Variants in PLSCR2 observed in about 807,000 individuals in gnomAD.
PLSCR2 encodes phospholipid scramblase 2, also known as PL scramblase 2.
In PLSCR2, 18 loss-of-function variants were observed where a neutral mutation model predicts 25.3. The ratio of observed to expected loss-of-function variants is 0.71; its 90% CI spans 0.49 to 1.06. PLSCR2 has a LOEUF of 1.06. Ranked by LOEUF, PLSCR2 falls within the 50% of genes least tolerant of loss-of-function variation. PLSCR2 has a pLI of 0.00. For synonymous variants in PLSCR2, 88 were observed against 87.3 expected, an observed-to-expected ratio of 1.01 and a Z score of -0.04; for missense variants, 243 against 269.5, an observed-to-expected ratio of 0.90 and a Z score of 0.69.
chr3:146,479,053 T>C (rs2043035322), intron 1 of PLSCR2, among the ~76,000 whole-genome samples: 1 of 152,172 alleles, frequency 6.6e-6, no homozygotes, highest in Non-Finnish European at 1.5e-5. Context: ...TTGAGAGATT[T>C]TGTCACCACC....
At chr3:146,452,140 G>A (rs1312902223) in intron 5 of PLSCR2, among the ~76,000 whole-genome samples, 1 of 152,114 alleles carries the variant, frequency 6.6e-6, no homozygotes, top group East Asian at 1.9e-4. Context: ...AAACTGTGGT[G>A]TCTGCATTAT....
At chr3:146,445,268 T>C (rs2040482725) in intron 6 of PLSCR2, among the ~76,000 whole-genome samples, 1 of 152,166 alleles carries the variant, frequency 6.6e-6, no homozygotes, top group South Asian at 2.1e-4. Context: ...TTTTGCACCT[T>C]CAGGTGATTT....
At chr3:146,448,236 T>C (rs191670314) in intron 6 of PLSCR2, among the ~76,000 whole-genome samples, 172 of 152,348 alleles carry the variant, frequency 1.1e-3, no homozygotes, top group Non-Finnish European at 2.0e-3. Context: ...ATGGGGATAA[T>C]TCTCAGAGCC....
chr3:146,424,145 AG>A (rs1393254923), intron 2 of PLSCR2, among the ~76,000 whole-genome samples: 1 of 150,906 alleles, frequency 6.6e-6, no homozygotes, highest in Non-Finnish European at 1.5e-5. Context: ...AAAAAAAAAA[AG>A]ATCAAGGTAT....
rs879368404 is a variant in PLSCR2, at chr3:146,490,575, AGTC to A, written c.-293+5317_-293+5319del. Among the ~76,000 whole-genome samples the A allele has an allele frequency of 6.7e-3, 1,019 of 152,182 alleles. 13 individuals carry two copies. Among genetic ancestry groups the A allele is most frequent in the African/African-American group, 0.023 (973 of 41,536 alleles). ...GGTTTACATATATTTAGGATAGTTA[AGTC>A]TTTTTGTTGAATTGAACACTTTCTT... On this transcript the variant is annotated intron_variant, in intron 1 of 8. Transcript: ENST00000336685.
At chr3:146,428,125 A>T (rs999835212) in intron 2 of PLSCR2, among the ~76,000 whole-genome samples, 1 of 152,188 alleles carries the variant, frequency 6.6e-6, no homozygotes, top group Non-Finnish European at 1.5e-5. Flanking sequence ...TTTAAAAGAA[A>T]TGTACTTAGC....
intron 1 of PLSCR2, among the ~76,000 whole-genome samples, chr3:146,472,354 A>G (rs2042146213): frequency 1.3e-5 from 2 of 151,986 alleles, no homozygotes; most frequent in South Asian, 4.1e-4. Context: ...TAAAATTGAG[A>G]AAGTATCTAT....
At chr3:146,450,841 G>C (rs1050456258) in intron 5 of PLSCR2, among the ~76,000 whole-genome samples, 1 of 151,736 alleles carries the variant, frequency 6.6e-6, no homozygotes, top group African/African-American at 2.4e-5. Context: ...GCTATAGCAA[G>C]AAATTAAAAA....
At chr3:146,478,240 T>C (rs2042993722) in intron 1 of PLSCR2, among the ~76,000 whole-genome samples, 2 of 152,170 alleles carry the variant, frequency 1.3e-5, no homozygotes, top group Admixed American at 1.3e-4. Flanking sequence ...AGAATTACTT[T>C]GACGAGATGA....
chr3:146,480,221 A>G (rs2043080748), intron 1 of PLSCR2, among the ~76,000 whole-genome samples: 1 of 152,214 alleles, frequency 6.6e-6, no homozygotes, highest in Admixed American at 6.5e-5. Context: ...GCAGAAGGCA[A>G]GAAATAACTA....
chr3:146,492,421 A>C (rs1394017227), intron 1 of PLSCR2, among the ~76,000 whole-genome samples: 3 of 152,152 alleles, frequency 2.0e-5, no homozygotes, highest in African/African-American at 7.2e-5. Flanking sequence ...ATTCACAAAA[A>C]ATTTAAAAAA....
At chr3:146,408,742 C>T (rs114197251) in intron 2 of PLSCR2, among the ~76,000 whole-genome samples, 1 of 152,224 alleles carries the variant, frequency 6.6e-6, no homozygotes, top group African/African-American at 2.4e-5. Context: ...AAAAAACACT[C>T]CTGGTGACTC....
intron 2 of PLSCR2, among the ~76,000 whole-genome samples, chr3:146,396,592 G>C (rs1024830908): frequency 2.0e-5 from 3 of 152,054 alleles, no homozygotes; most frequent in African/African-American, 4.8e-5. Context: ...GAGACTTAGA[G>C]GACCAGAAGG....
At chr3:146,446,301 C>T (rs748570066) in intron 6 of PLSCR2, among the ~76,000 whole-genome samples, 1 of 152,092 alleles carries the variant, frequency 6.6e-6, no homozygotes, top group African/African-American at 2.4e-5. Flanking sequence ...CTTGGGAAGG[C>T]TTTCCAGGTA....
At chr3:146,454,274 T>C (rs958549557) in intron 4 of PLSCR2, 111 bp from the exon 5 acceptor site, 1 of 659,562 alleles carries the variant, frequency 1.5e-6, no homozygotes, top group African/African-American at 1.9e-5. Context: ...AAGTGAGGAC[T>C]TCCTAGGACT....
At chr3:146,483,445 ACATG>A (rs1431314345) in intron 1 of PLSCR2, among the ~76,000 whole-genome samples, 3 of 59,176 alleles carry the variant, frequency 5.1e-5, no homozygotes, top group Admixed American at 1.8e-4. Flanking sequence ...ATATATATAC[ACATG>A]TATGTATATA....
chr3:146,414,493 C>A (rs2038952186), intron 2 of PLSCR2, among the ~76,000 whole-genome samples: 1 of 152,082 alleles, frequency 6.6e-6, no homozygotes, highest in Non-Finnish European at 1.5e-5. Context: ...AAGAAAGCAT[C>A]CTTTTATAAT....
intron 2 of PLSCR2, among the ~76,000 whole-genome samples, chr3:146,406,524 A>G (rs991655457): frequency 8.5e-5 from 13 of 152,062 alleles, no homozygotes; most frequent in African/African-American, 3.1e-4. Flanking sequence ...TCCTGTTGTG[A>G]AAGAGGTGAG....
intron 5 of PLSCR2, 23 bp from the exon 6 acceptor site, chr3:146,449,390 ACT>A: frequency 2.0e-6 from 3 of 1,480,326 alleles, no homozygotes; most frequent in Non-Finnish European, 2.8e-6. Context: ...AAAAAAAAAA[ACT>A]TAAAAATTTC....
Sources: gnomAD v4.1 joint callset for allele counts (sites outside exome capture counted in the v4.1 genomes callset) on GRCh38, gnomAD v4.1.1 for gene constraint, MANE v1.5 for transcripts, NCBI Gene and HGNC (gene_info 2026-07-23, HGNC 2026-07-21) for gene names.